Variants in CSMD3 observed in about 807,000 individuals in gnomAD.
The protein encoded by CSMD3 is CUB and sushi domain-containing protein 3.
A neutral mutation model predicts 435.2 loss-of-function variants in CSMD3; 177 were observed. That is an observed-to-expected ratio of 0.41 (90% CI 0.36 to 0.46). CSMD3 has a LOEUF of 0.46. Ranked by LOEUF, CSMD3 falls within the 20% of genes least tolerant of loss-of-function variation. CSMD3 has a pLI of 0.34. For missense variants in CSMD3, 4,265 were observed against 4,504.6 expected, an observed-to-expected ratio of 0.95 and a Z score of 1.52; for synonymous variants, 1,656 against 1,520.5, an observed-to-expected ratio of 1.09 and a Z score of -2.07.
chr8:112,525,832 T>A (rs868216057), intron 27 of CSMD3, among the ~76,000 whole-genome samples: 1,388 of 138,768 alleles, frequency 0.01, 31 homozygotes, highest in African/African-American at 0.033. Context: ...AAAAAATATA[T>A]ATATATATAT....
intron 5 of CSMD3, among the ~76,000 whole-genome samples, chr8:113,074,482 A>G (rs1383072191): frequency 6.6e-6 from 1 of 151,870 alleles, no homozygotes; most frequent in Non-Finnish European, 1.5e-5. Flanking sequence ...TTTAAATAGT[A>G]TGTCATTTGC....
intron 1 of CSMD3, among the ~76,000 whole-genome samples, chr8:113,427,027 G>A (rs1351605559): frequency 6.6e-6 from 1 of 151,206 alleles, no homozygotes; most frequent in Non-Finnish European, 1.5e-5. Flanking sequence ...ACATTATTAG[G>A]ATAACTTATC....
chr8:112,583,438 T>C lies in CSMD3; in HGVS notation c.3885+3628A>G, dbSNP rs547378723. ...CTGTCAATGTACTTTAAGGCATATA[T>C]GTTTCAAAGTTTTTTTTAATGTGAA... On this transcript the variant is annotated intron_variant, in intron 23 of 70. Transcript: ENST00000297405. 1.7e-4 allele frequency among the ~76,000 whole-genome samples: 26 copies of C among 152,140 alleles called. 1 individual carries two copies. Among genetic ancestry groups the C allele is most frequent in the Admixed American group, 1.4e-3 (21 of 15,252 alleles).
At chr8:112,628,401 G>GGTTT (rs1834667114) in intron 22 of CSMD3, among the ~76,000 whole-genome samples, 1 of 151,866 alleles carries the variant, frequency 6.6e-6, no homozygotes, top group African/African-American at 2.4e-5. Flanking sequence ...TTGGTTGGTT[G>GGTTT]GTTGGTTGGT....
At chr8:113,367,147 G>C (rs867920647) in intron 1 of CSMD3, among the ~76,000 whole-genome samples, 63 of 151,644 alleles carry the variant, frequency 4.2e-4, no homozygotes, top group Admixed American at 5.3e-4. Context: ...GAATGCTTTT[G>C]GATAATACCT....
chr8:112,766,302 AT>A (rs771435461), intron 13 of CSMD3, among the ~76,000 whole-genome samples: 87 of 147,022 alleles, frequency 5.9e-4, no homozygotes, highest in African/African-American at 4.9e-4. Context: ...CTTGGAATAT[AT>A]TTTTTTTTTT....
intron 13 of CSMD3, among the ~76,000 whole-genome samples, chr8:112,769,327 C>A (rs955484312): frequency 1.3e-5 from 2 of 151,996 alleles, no homozygotes; most frequent in Non-Finnish European, 2.9e-5. Context: ...CCTGCATGAT[C>A]TATACAGGGA....
chr8:112,451,899 T>A (rs148162130), intron 32 of CSMD3, among the ~76,000 whole-genome samples: 3 of 152,346 alleles, frequency 2.0e-5, no homozygotes, highest in African/African-American at 7.2e-5. Context: ...AGATATTTAT[T>A]ATTTAGATTT....
chr8:112,637,908 T>C (rs1007702574), intron 21 of CSMD3, among the ~76,000 whole-genome samples: 1 of 151,962 alleles, frequency 6.6e-6, no homozygotes, highest in African/African-American at 2.4e-5. Flanking sequence ...AGAACAAGGT[T>C]AGTGCTTGTA....
chr8:113,364,086 G>A (rs906685702), intron 1 of CSMD3, among the ~76,000 whole-genome samples: 53 of 152,126 alleles, frequency 3.5e-4, no homozygotes, highest in Middle Eastern at 3.4e-3. Flanking sequence ...TAATATGGAT[G>A]TTCAATTGTT....
chr8:112,493,091 C>T (rs1282901606), intron 30 of CSMD3, among the ~76,000 whole-genome samples: 1 of 152,056 alleles, frequency 6.6e-6, no homozygotes, highest in Non-Finnish European at 1.5e-5. Context: ...GCAGCAGCAT[C>T]ATTTCTGTCT....
chr8:112,942,262 G>T (rs2083473933), intron 9 of CSMD3, among the ~76,000 whole-genome samples: 1 of 148,930 alleles, frequency 6.7e-6, no homozygotes, highest in Non-Finnish European at 1.5e-5. Context: ...ACTGTCAACG[G>T]CTGGCATGAG....
intron 53 of CSMD3, among the ~76,000 whole-genome samples, chr8:112,296,325 G>A (rs1244412452): frequency 6.6e-6 from 1 of 152,090 alleles, no homozygotes; most frequent in African/African-American, 2.4e-5. Flanking sequence ...GGCCGAGGTG[G>A]CAGATCACGA....
At chr8:112,843,866 A>C (rs1234872976) in intron 11 of CSMD3, among the ~76,000 whole-genome samples, 1 of 151,936 alleles carries the variant, frequency 6.6e-6, no homozygotes, top group Non-Finnish European at 1.5e-5. Context: ...AGAATTATAA[A>C]ATAATGAATG....
At chr8:112,909,416 T>A (rs1471543436) in intron 10 of CSMD3, among the ~76,000 whole-genome samples, 1 of 151,668 alleles carries the variant, frequency 6.6e-6, no homozygotes, top group Non-Finnish European at 1.5e-5. Flanking sequence ...CATATTTTTT[T>A]TAAAAAATCA....
chr8:112,489,621 C>T (rs924037079), intron 31 of CSMD3, among the ~76,000 whole-genome samples: 1 of 152,078 alleles, frequency 6.6e-6, no homozygotes, highest in African/African-American at 2.4e-5. Context: ...AACAACCTTG[C>T]AAATTACACA....
intron 4 of CSMD3, among the ~76,000 whole-genome samples, chr8:113,168,495 T>TG (rs1459166160): frequency 1.9e-5 from 2 of 105,508 alleles, no homozygotes; most frequent in Non-Finnish European, 3.4e-5. Context: ...CACTCCAGCC[T>TG]GGTGACAGAG....
At chr8:112,838,682 C>A (rs1478489133) in intron 11 of CSMD3, among the ~76,000 whole-genome samples, 1 of 151,588 alleles carries the variant, frequency 6.6e-6, no homozygotes, top group African/African-American at 2.4e-5. Context: ...GCAGAGAGAG[C>A]AAAATATGGA....
intron 31 of CSMD3, among the ~76,000 whole-genome samples, chr8:112,484,706 A>C (rs1819951477): frequency 6.6e-6 from 1 of 152,124 alleles, no homozygotes; most frequent in Admixed American, 6.6e-5. Context: ...ATGCAGGTTG[A>C]GCATCCCTAA....
Sources: allele counts gnomAD v4.1 joint callset (sites outside exome capture counted in the v4.1 genomes callset), GRCh38; gene constraint gnomAD v4.1.1; transcripts MANE v1.5; gene names NCBI Gene and HGNC (gene_info 2026-07-23, HGNC 2026-07-21).